ZNF226: variants seen among roughly 807,000 people sequenced by gnomAD.
The protein encoded by ZNF226 is zinc finger protein 226.
In ZNF226, 6 loss-of-function variants were observed where a neutral mutation model predicts 11.4. The observed-to-expected ratio is 0.53, with a 90% CI of 0.29 to 1.04. The LOEUF is 1.04. ZNF226 is among the 50% of genes least tolerant of loss of function. ZNF226 has a pLI of 0.08. For synonymous variants in ZNF226, 350 were observed against 322.8 expected, an observed-to-expected ratio of 1.08 and a Z score of -0.90; for missense variants, 1,058 against 956.5, an observed-to-expected ratio of 1.11 and a Z score of -1.40.
downstream of ZNF226, among the ~76,000 whole-genome samples, chr19:44,180,038 G>A (rs762999960): frequency 4.4e-5 from 6 of 136,576 alleles, no homozygotes; most frequent in Admixed American, 8.1e-5. Flanking sequence ...AGTGAGCTGC[G>A]ATCGTGCCAC....
downstream of ZNF226, chr19:44,177,740 C>G: frequency 6.8e-7 from 1 of 1,479,216 alleles, no homozygotes; most frequent in Non-Finnish European, 9.0e-7. Flanking sequence ...AGTGTTTCAG[C>G]CGTAGCTCCT....
At chr19:44,170,507 C>T (rs189358332) in intron 3 of ZNF226, among the ~76,000 whole-genome samples, 28 of 152,112 alleles carry the variant, frequency 1.8e-4, no homozygotes, top group South Asian at 4.1e-4. Flanking sequence ...GAGGCTGAGG[C>T]GGGTGGATCA....
chr19:44,166,773 A>AT (rs1969423677), intron 2 of ZNF226: 1 of 152,210 alleles, frequency 6.6e-6, no homozygotes, highest in African/African-American at 2.4e-5. Flanking sequence ...AAGCAGCAAC[A>AT]TTGGCATCAC....
chr19:44,170,961 C>G (rs536989780), intron 3 of ZNF226, among the ~76,000 whole-genome samples: 1 of 150,978 alleles, frequency 6.6e-6, no homozygotes, highest in Admixed American at 6.6e-5. Flanking sequence ...TTTCCATAAT[C>G]TCTTCATTGT....
the ZNF226 span, among the ~76,000 whole-genome samples, chr19:44,194,636 A>G: frequency 6.6e-6 from 1 of 152,200 alleles, no homozygotes; most frequent in Admixed American, 6.5e-5. Flanking sequence ...TACCTAAGTC[A>G]TGTGAACTTT....
At position 44,174,937 on chromosome 19, in the gene ZNF226, T is replaced by G. The variant is rs538961686; in HGVS notation, c.236-561T>G. The G allele has an allele frequency of 1.4e-5, 22 of 1,580,464 alleles. No homozygotes were observed. In the South Asian group the frequency reaches 2.3e-4, roughly 16 times the overall value. ...GTACCCCTACCTCAGGTACAGCTTT[T>G]CAACTTTGCAGCAAAACTGTACTTT... On this transcript the variant is annotated intron_variant, in intron 5 of 5. Coordinates refer to ENST00000337433, the MANE Select transcript of ZNF226 (RefSeq NM_001032373.2).
At chr19:44,190,105 C>G in the ZNF226 span, among the ~76,000 whole-genome samples, 5 of 152,068 alleles carry the variant, frequency 3.3e-5, no homozygotes, top group Admixed American at 6.5e-5. Context: ...TATTATAGTC[C>G]TTTTCTAGAA....
At chr19:44,166,127 C>G (rs576392402) in intron 2 of ZNF226, among the ~76,000 whole-genome samples, 14 of 152,342 alleles carry the variant, frequency 9.2e-5, no homozygotes, top group African/African-American at 3.4e-4. Context: ...GAGCCATAGG[C>G]AGCTGGCTAG....
At chr19:44,188,966 T>C in the ZNF226 span, among the ~76,000 whole-genome samples, 2 of 152,220 alleles carry the variant, frequency 1.3e-5, no homozygotes, top group African/African-American at 4.8e-5. Flanking sequence ...ACAACGGTGG[T>C]ATCAGTCCAA....
rs1363104699 is a variant in ZNF226 at position 44,165,120 on chromosome 19, T to C, written c.-120T>C. The C allele has an allele frequency of 1.3e-5, 2 of 152,242 alleles. No homozygotes were observed. The highest frequency in any genetic ancestry group is 4.8e-5 in the African/African-American group (2 of 41,450). 9.4% of individuals were successfully genotyped at this position (152,242 alleles called of 1,614,324 possible). On this transcript the variant is annotated 5_prime_UTR_variant, in exon 1 of 6. Coordinates refer to ENST00000337433, the MANE Select transcript of ZNF226 (RefSeq NM_001032373.2). ...CAGGAAGACGACGTAGCAGCCATCT[T>C]TTCCCTGGCTTTGGTGATTCAGGTC...
the ZNF226 span, among the ~76,000 whole-genome samples, chr19:44,186,558 A>C: frequency 2.0e-5 from 3 of 152,032 alleles, no homozygotes; most frequent in Admixed American, 2.0e-4. Flanking sequence ...TGTATCTTGC[A>C]ACTTTGCTGA....
At position 44,176,071 on chromosome 19, in the gene ZNF226, A is replaced by C; in HGVS notation, c.809A>C (p.His270Pro). Residue 270 changes from histidine to proline, a missense_variant, in exon 6 of 6, where the codon CAT becomes CCT. Coordinates refer to ENST00000337433, the MANE Select transcript of ZNF226 (RefSeq NM_001032373.2). Reference sequence around the variant, plus strand: ...AGTGATCTCTCCAGCTTTGATCTTCATCAGCAGTTACAATCAGGAGAGAAG... The same window carrying C: ...AGTGATCTCTCCAGCTTTGATCTTCCTCAGCAGTTACAATCAGGAGAGAAG... The part of the protein sequence containing the change: ...PFSDLSSFDL[H>P]QQLQSGEKSL... 1.2e-6 allele frequency: 2 copies of C among 1,614,192 alleles called. No homozygotes were observed. Among genetic ancestry groups the C allele is most frequent in the Non-Finnish European group, 1.7e-6 (2 of 1,180,014 alleles).
intron 1 of ZNF226, chr19:44,165,453 T>C (rs1288622100): frequency 6.6e-6 from 1 of 152,200 alleles, no homozygotes; most frequent in Non-Finnish European, 1.5e-5. Context: ...TTAATCCCCG[T>C]GCCTTCGTTT....
the ZNF226 span, among the ~76,000 whole-genome samples, chr19:44,184,452 C>T: frequency 6.6e-6 from 1 of 151,854 alleles, no homozygotes; most frequent in Non-Finnish European, 1.5e-5. Flanking sequence ...TGGTGGCGGG[C>T]GCCTATAATC....
downstream of ZNF226, among the ~76,000 whole-genome samples, chr19:44,179,879 T>A (rs1156589671): frequency 6.6e-6 from 1 of 151,940 alleles, no homozygotes; most frequent in African/African-American, 2.4e-5. Context: ...GGTCAGGAGT[T>A]TGAGCCCAAC....
At chr19:44,192,788 G>C in the ZNF226 span, among the ~76,000 whole-genome samples, 20 of 152,302 alleles carry the variant, frequency 1.3e-4, no homozygotes, top group African/African-American at 4.6e-4. Flanking sequence ...ACGGATTTCA[G>C]AATATCAAAA....
the ZNF226 span, among the ~76,000 whole-genome samples, chr19:44,192,981 G>C: frequency 6.6e-6 from 1 of 151,924 alleles, no homozygotes; most frequent in Admixed American, 6.6e-5. Context: ...TTTTCCATAA[G>C]ATTCATCTTA....
Position 44,172,171 on chromosome 19 carries a change from C to G in ZNF226, c.99C>G (p.Tyr33Ter). 1 of 1,612,972 alleles carries G rather than the reference C, an allele frequency of 6.2e-7. No individual in the cohort carries two copies. Among genetic ancestry groups the G allele is most frequent in the Non-Finnish European group, 8.5e-7 (1 of 1,179,298 alleles). Residue 33 changes from tyrosine to a stop codon, truncating the protein, a stop_gained, in exon 4 of 6, where the codon TAC becomes TAG. Transcript: ENST00000337433. LOFTEE classifies it high-confidence loss of function. The part of the protein sequence containing the change: ...GLLGPAQRKL[Y>*]RDVMVENFRN... Reference sequence around the variant, plus strand: ...TGGGCCCTGCCCAGAGGAAGCTGTACCGAGATGTGATGGTGGAGAACTTTA... The same window carrying G: ...TGGGCCCTGCCCAGAGGAAGCTGTAGCGAGATGTGATGGTGGAGAACTTTA...
chr19:44,182,011 T>G (rs934199378), downstream of ZNF226, among the ~76,000 whole-genome samples: 7 of 151,978 alleles, frequency 4.6e-5, no homozygotes, highest in African/African-American at 1.7e-4. Flanking sequence ...TTACCAGTGT[T>G]GAATCAGGTG....
Sources: gnomAD v4.1 joint callset for allele counts (sites outside exome capture counted in the v4.1 genomes callset) on GRCh38, gnomAD v4.1.1 for gene constraint, MANE v1.5 for transcripts, NCBI Gene and HGNC (gene_info 2026-07-23, HGNC 2026-07-21) for gene names.